Variants in ASRGL1 observed in about 807,000 individuals in gnomAD.
ASRGL1 encodes the protein isoaspartyl peptidase/L-asparaginase.
In ASRGL1, 16 loss-of-function variants were observed where a neutral mutation model predicts 22.4. The ratio of observed to expected loss-of-function variants is 0.71; its 90% CI spans 0.48 to 1.08. The LOEUF is 1.08. ASRGL1 is among the 50% of genes least tolerant of loss of function. The pLI, the probability that ASRGL1 is intolerant of heterozygous loss-of-function variation, is 0.00. For missense variants in ASRGL1, 412 were observed against 410.1 expected (o/e 1.00, Z -0.04); for synonymous variants, 165 against 159.3 (o/e 1.04, Z -0.27).
rs1198796503 is a variant in ASRGL1 at position 62,370,026 on chromosome 11, G to A, written c.491+12882G>A. Among the ~76,000 whole-genome samples the A allele has an allele frequency of 2.6e-5, 4 of 152,248 alleles. No individual in the cohort carries two copies. In the South Asian group the frequency reaches 6.2e-4, roughly 24 times the overall value. Reference sequence around the variant, plus strand: ...CAAAGTTTACTGTCTGAACAGAAGAGTACAATGCAACTCCTGCCACAGCGG... The same window carrying A: ...CAAAGTTTACTGTCTGAACAGAAGAATACAATGCAACTCCTGCCACAGCGG... On this transcript the variant is annotated intron_variant, in intron 4 of 6. Transcript: ENST00000415229.
At chr11:62,384,033 TGC>T (rs1491545248) in intron 4 of ASRGL1, among the ~76,000 whole-genome samples, 3 of 140,644 alleles carry the variant, frequency 2.1e-5, no homozygotes, top group Non-Finnish European at 4.7e-5. Context: ...TGCACGTGTG[TGC>T]GTGTGTGTGT....
At chr11:62,389,295 C>A in intron 5 of ASRGL1, 44 bp downstream of exon 5, 1 of 1,532,316 alleles carries the variant, frequency 6.5e-7, no homozygotes, top group Non-Finnish European at 9.0e-7. Flanking sequence ...TCTTCTCCCG[C>A]CCTCAGGCTT....
chr11:62,338,044 G>C lies in ASRGL1; in HGVS notation c.67G>C (p.Val23Leu). The C allele has an allele frequency of 6.2e-7, 1 of 1,608,538 alleles. No individual in the cohort carries two copies. The highest frequency in any genetic ancestry group is 8.5e-7 in the Non-Finnish European group (1 of 1,177,918). ...CATCTCCAAGGATCGGAAGGAGCGA[G>C]TGCACCAGGGCATGGTCAGAGCCGC... ...GPISKDRKERVHQGMVRAATV... is the reference protein window; with the variant it reads ...GPISKDRKERLHQGMVRAATV... The change falls in exon 2 of 7, where the codon GTG becomes CTG. Residue 23 changes from valine to leucine, a missense_variant. Val to Leu is a conservative substitution (Grantham distance 32, BLOSUM62 1). Coordinates refer to ENST00000415229, the MANE Select transcript of ASRGL1 (RefSeq NM_001083926.2).
At chr11:62,359,012 A>G (rs1946371257) in intron 4 of ASRGL1, among the ~76,000 whole-genome samples, 1 of 152,140 alleles carries the variant, frequency 6.6e-6, no homozygotes, top group South Asian at 2.1e-4. Context: ...AGTTCTGAAG[A>G]TTGTTACAGA....
Position 62,340,000 on chromosome 11 carries a change from G to A in ASRGL1, c.190+1833G>A, listed in dbSNP as rs142497693. On this transcript the variant is annotated intron_variant, in intron 2 of 6. Coordinates refer to ENST00000415229, the MANE Select transcript of ASRGL1 (RefSeq NM_001083926.2). ...TCCTGAGACCGGTGCAGTGGCTCAC[G>A]CCTGTAATCCCAGCACTTTGGAAAG... is the stretch of plus-strand genomic sequence containing the variant. Among the ~76,000 whole-genome samples, 744 of 152,014 alleles carry A rather than the reference G, an allele frequency of 4.9e-3. 6 individuals are homozygous for A. Among genetic ancestry groups the A allele is most frequent in the African/African-American group, 0.017 (712 of 41,460 alleles).
In ASRGL1 at chr11:62,365,006, T is replaced by C. The variant is rs146288938; in HGVS notation, c.491+7862T>C. On this transcript the variant is annotated intron_variant, in intron 4 of 6. Coordinates refer to ENST00000415229, the MANE Select transcript of ASRGL1 (RefSeq NM_001083926.2). ...ATCGCTTGAACCTAGGAGGCAGAGGTTGCAGTGAGCCGAGACCACGCTGTT... is the reference window on the plus strand; with the variant it reads ...ATCGCTTGAACCTAGGAGGCAGAGGCTGCAGTGAGCCGAGACCACGCTGTT... Among the ~76,000 whole-genome samples the C allele has an allele frequency of 5.8e-3, 876 of 150,708 alleles. 8 individuals carry two copies. The highest frequency in any genetic ancestry group is 0.021 in the African/African-American group (849 of 40,908).
intron 4 of ASRGL1, among the ~76,000 whole-genome samples, chr11:62,368,470 C>T (rs1946674752): frequency 6.6e-6 from 1 of 152,170 alleles, no homozygotes. Context: ...TGATCAGTTC[C>T]AGTAGATACT....
At chr11:62,375,651 G>C (rs1431756932) in intron 4 of ASRGL1, among the ~76,000 whole-genome samples, 1 of 151,488 alleles carries the variant, frequency 6.6e-6, no homozygotes, top group Non-Finnish European at 1.5e-5. Context: ...ACGATCATCT[G>C]TGGGGCCAGG....
chr11:62,373,107 A>G, intron 4 of ASRGL1: 2 of 1,466,946 alleles, frequency 1.4e-6, no homozygotes, highest in Middle Eastern at 1.9e-4. Context: ...GGTGATAGCA[A>G]GAGATGAAAG....
intron 4 of ASRGL1, chr11:62,372,279 T>C: frequency 1.2e-6 from 2 of 1,601,728 alleles, no homozygotes; most frequent in Non-Finnish European, 1.7e-6. Context: ...GGGCTCCGTG[T>C]TTGCGTTTGG....
chr11:62,337,654 A>G (rs929145350), intron 1 of ASRGL1, 80 bp downstream of exon 1: 6 of 283,810 alleles, frequency 2.1e-5, no homozygotes, highest in Non-Finnish European at 4.0e-5. Flanking sequence ...CATTTTCCCG[A>G]AGGCGAAATA....
intron 4 of ASRGL1, chr11:62,372,805 G>C (rs936772488): frequency 6.3e-7 from 1 of 1,591,100 alleles, no homozygotes; most frequent in Non-Finnish European, 8.6e-7. Flanking sequence ...TTTGCCGTCA[G>C]TGAAGTGGGT....
intron 4 of ASRGL1, among the ~76,000 whole-genome samples, chr11:62,387,319 A>G (rs1947239612): frequency 6.6e-6 from 1 of 152,150 alleles, no homozygotes; most frequent in Admixed American, 6.5e-5. Flanking sequence ...AGGTAGGATG[A>G]TTATATTCTT....
At chr11:62,393,571 CT>C (rs371193012), downstream of ASRGL1, among the ~76,000 whole-genome samples, 20 of 152,144 alleles carry the variant, frequency 1.3e-4, no homozygotes, top group East Asian at 3.3e-3. Flanking sequence ...AAGAACTGAA[CT>C]TTTTCTGAGT....
chr11:62,370,496 G>A (rs1946733909), intron 4 of ASRGL1, among the ~76,000 whole-genome samples: 1 of 152,162 alleles, frequency 6.6e-6, no homozygotes, highest in Admixed American at 6.5e-5. Context: ...AATTCTGGAT[G>A]TTCAGGACCA....
chr11:62,367,756 A>G (rs1444795984), intron 4 of ASRGL1, among the ~76,000 whole-genome samples: 2 of 151,980 alleles, frequency 1.3e-5, no homozygotes, highest in Non-Finnish European at 2.9e-5. Context: ...AGCCTGGCCA[A>G]CATAGTAAAA....
At chr11:62,360,276 C>T (rs1946401961) in intron 4 of ASRGL1, among the ~76,000 whole-genome samples, 1 of 151,822 alleles carries the variant, frequency 6.6e-6, no homozygotes, top group African/African-American at 2.4e-5. Flanking sequence ...GATCCGCCCA[C>T]CTCGGCCTCC....
Position 62,375,431 on chromosome 11 carries a change from TATATATATATA to T in ASRGL1, c.492-13701_492-13691del, listed in dbSNP as rs1946891652. On this transcript the variant is annotated intron_variant, in intron 4 of 6. Transcript: ENST00000415229. ...TTAGTGCTGTAATTGTCTTACTTTA[TATATATATATA>T]TATATATATATATATATATATATAT... is the stretch of plus-strand genomic sequence containing the variant. Among the ~76,000 whole-genome samples, 5 of 4,384 alleles carry T rather than the reference TATATATATATA, an allele frequency of 1.1e-3. No individual in the cohort carries two copies. The South Asian group carries it at 0.023, about 20-fold the overall frequency. 2.9% of individuals were successfully genotyped at this position (4,384 alleles called of 152,430 possible). A position where few individuals can be genotyped will look rare whatever the true frequency, so the allele number is the denominator to read the frequency against.
intron 6 of ASRGL1, 174 bp downstream of exon 6, chr11:62,391,806 T>G (rs3018622): frequency 0.99 from 823,809 of 833,500 alleles, 407,683 homozygotes; most frequent in Non-Finnish European, 1. Context: ...TCTGGAATGG[T>G]AGAGCATTGA....
Sources: gnomAD v4.1 joint callset for allele counts (sites outside exome capture counted in the v4.1 genomes callset) on GRCh38, gnomAD v4.1.1 for gene constraint, MANE v1.5 for transcripts, NCBI Gene and HGNC (gene_info 2026-07-23, HGNC 2026-07-21) for gene names.